NEK10: variants seen among roughly 807,000 people sequenced by gnomAD.
NEK10 encodes NIMA related kinase 10.
A neutral mutation model predicts 159.8 loss-of-function variants in NEK10; 122 were observed. That is an observed-to-expected ratio of 0.76 (90% confidence interval 0.66 to 0.89). The LOEUF is 0.89. Among genes scored for constraint, NEK10 ranks in the 40% least tolerant of loss-of-function variants. The probability of loss-of-function intolerance (pLI) is 0.00; values close to 1 mark genes in which losing one functional copy is unlikely to be tolerated. For synonymous variants in NEK10, 466 were observed against 457.1 expected (o/e 1.02, Z -0.25); for missense variants, 1,342 against 1,323.1 (o/e 1.01, Z -0.22).
At chr3:27,228,912 A>C (rs1000359674) in intron 23 of NEK10, among the ~76,000 whole-genome samples, 4 of 152,046 alleles carry the variant, frequency 2.6e-5, no homozygotes, top group African/African-American at 9.7e-5. Context: ...ACCTCAGCAC[A>C]TCTAATTGAG....
At position 27,187,845 on chromosome 3, in the gene NEK10, C is replaced by T. The variant is rs539784147; in HGVS notation, c.2505+4184G>A. ...TGGAGAAATTCAACGTTTTAGTCCACGTTACCCACAGGATTTAATTCAAAC... is the reference window on the plus strand; with the variant it reads ...TGGAGAAATTCAACGTTTTAGTCCATGTTACCCACAGGATTTAATTCAAAC... On this transcript the variant is annotated intron_variant, in intron 26 of 35. Coordinates refer to ENST00000691995, the MANE Select transcript of NEK10 (RefSeq NM_001394966.1). Among the ~76,000 whole-genome samples, 15 of 152,118 alleles carry T rather than the reference C, an allele frequency of 9.9e-5. No individual in the cohort carries two copies. The South Asian group carries it at 2.7e-3, about 27-fold the overall frequency.
chr3:27,213,494 AAT>A (rs1274582832), intron 23 of NEK10, among the ~76,000 whole-genome samples: 1 of 152,224 alleles, frequency 6.6e-6, no homozygotes, highest in Non-Finnish European at 1.5e-5. Flanking sequence ...GCAATTGTCC[AAT>A]ATATGACTCC....
chr3:27,127,050 A>G (rs1184705937), intron 32 of NEK10, among the ~76,000 whole-genome samples: 1 of 152,190 alleles, frequency 6.6e-6, no homozygotes, highest in Non-Finnish European at 1.5e-5. Context: ...TATTTTTATT[A>G]TAAAAAACTT....
At chr3:27,182,091 T>G (rs1289639143) in intron 26 of NEK10, among the ~76,000 whole-genome samples, 1 of 152,142 alleles carries the variant, frequency 6.6e-6, no homozygotes, top group Non-Finnish European at 1.5e-5. Context: ...ATACAGAGTT[T>G]CGGTGAGATG....
rs1173004864 is a variant in NEK10 at position 27,307,866 on chromosome 3, A to G, written c.796T>C (p.Ser266Pro). 5 of 1,503,688 alleles carry G rather than the reference A, an allele frequency of 3.3e-6. No individual in the cohort carries two copies. Among genetic ancestry groups the G allele is most frequent in the Non-Finnish European group, 9.3e-7 (1 of 1,080,470 alleles). 93.1% of individuals were successfully genotyped at this position (1,503,688 alleles called of 1,614,324 possible). A position where few individuals can be genotyped will look rare whatever the true frequency, so the allele number is the denominator to read the frequency against. ...TACTGTTAGCAATCCTACCTTTTAG[A>G]AAGCAAGTCATATTCATGTAAAATC... ...LMILHEYDLLSKRLTAELLRL... is the reference protein window; with the variant it reads ...LMILHEYDLLPKRLTAELLRL... Residue 266 changes from serine to proline, a missense_variant, in exon 11 of 36, where the codon TCT becomes CCT. Coordinates refer to ENST00000691995, the MANE Select transcript of NEK10 (RefSeq NM_001394966.1).
intron 23 of NEK10, among the ~76,000 whole-genome samples, chr3:27,206,012 G>T (rs1575241709): frequency 6.6e-6 from 1 of 152,048 alleles, no homozygotes; most frequent in African/African-American, 2.4e-5. Context: ...AAATTTACAA[G>T]AAAAAAAGAT....
chr3:27,356,740 G>A (rs960190149), intron 1 of NEK10, among the ~76,000 whole-genome samples: 7 of 152,062 alleles, frequency 4.6e-5, no homozygotes, highest in Admixed American at 1.3e-4. Flanking sequence ...GAGTATCTGT[G>A]ACATATTCAC....
At chr3:27,288,973 T>TACC (rs1429412340) in intron 19 of NEK10, among the ~76,000 whole-genome samples, 2 of 152,168 alleles carry the variant, frequency 1.3e-5, no homozygotes, top group African/African-American at 4.8e-5. Context: ...GGGGTGAGGC[T>TACC]ACCACTCAGT....
At chr3:27,235,700 T>C (rs772705039) in intron 23 of NEK10, among the ~76,000 whole-genome samples, 4 of 152,120 alleles carry the variant, frequency 2.6e-5, no homozygotes, top group Non-Finnish European at 5.9e-5. Context: ...GAAGACAGTG[T>C]GGCAATTCCT....
At chr3:27,175,204 C>A (rs1947388027) in intron 26 of NEK10, among the ~76,000 whole-genome samples, 1 of 152,106 alleles carries the variant, frequency 6.6e-6, no homozygotes, top group East Asian at 1.9e-4. Flanking sequence ...CTCTCAGTAC[C>A]ACAGCAAATA....
rs371226843 is a variant in NEK10, at chr3:27,301,771, G to A, written c.1093C>T (p.Arg365Ter). 1.4e-5 allele frequency: 22 copies of A among 1,561,554 alleles called. No individual in the cohort carries two copies. Among genetic ancestry groups the A allele is most frequent in the Admixed American group, 1.9e-5 (1 of 53,142 alleles). ...GSLSSANAAG[R>*]IQQLHLSEDL... ...TCTGATAAATGAAGCTGCTGGATTCGGCCTGCAGCATTTGCACTGGACAGG... is the reference window on the plus strand; with the variant it reads ...TCTGATAAATGAAGCTGCTGGATTCAGCCTGCAGCATTTGCACTGGACAGG... The change falls in exon 13 of 36, where the codon CGA becomes TGA. Residue 365 changes from arginine to a stop codon, truncating the protein, a stop_gained. Coordinates refer to ENST00000691995, the MANE Select transcript of NEK10 (RefSeq NM_001394966.1). LOFTEE classifies it high-confidence loss of function.
At chr3:27,344,772 T>C (rs1235261081) in intron 4 of NEK10, among the ~76,000 whole-genome samples, 1 of 152,194 alleles carries the variant, frequency 6.6e-6, no homozygotes, top group Non-Finnish European at 1.5e-5. Context: ...CCCTCTCCAC[T>C]TTTCCACATA....
intron 22 of NEK10, among the ~76,000 whole-genome samples, chr3:27,282,235 A>G (rs1182444221): frequency 6.6e-6 from 1 of 152,146 alleles, no homozygotes; most frequent in Non-Finnish European, 1.5e-5. Context: ...GTGGGAACAG[A>G]ACTAAAGTTT....
chr3:27,323,606 A>AG (rs2045807772), intron 5 of NEK10, among the ~76,000 whole-genome samples: 2 of 151,658 alleles, frequency 1.3e-5, no homozygotes, highest in South Asian at 2.1e-4. Context: ...AGAGGGGGGA[A>AG]AAAAAAACCT....
At chr3:27,139,627 C>T (rs185834559) in intron 31 of NEK10, among the ~76,000 whole-genome samples, 173 of 152,318 alleles carry the variant, frequency 1.1e-3, no homozygotes, top group African/African-American at 3.9e-3. Flanking sequence ...GTACTACAGA[C>T]TCCAGATTTC....
At chr3:27,277,216 G>A (rs1318149102) in intron 22 of NEK10, among the ~76,000 whole-genome samples, 1 of 150,536 alleles carries the variant, frequency 6.6e-6, no homozygotes, top group African/African-American at 2.4e-5. Flanking sequence ...ATCTGCTGGG[G>A]ATACTGGAAA....
rs1939312759 is a variant in NEK10, at chr3:27,109,502, C to T, written c.*1770G>A. Among the ~76,000 whole-genome samples the T allele has an allele frequency of 6.6e-6, 1 of 151,830 alleles. No homozygotes were observed. Among genetic ancestry groups the T allele is most frequent in the Non-Finnish European group, 1.5e-5 (1 of 67,946 alleles). On this transcript the variant is annotated 3_prime_UTR_variant, in exon 36 of 36. Transcript: ENST00000691995. ...CCATTTATCTTCCCTTACCACGGTACACCTTTTGAATACTATTCTTTCCTA... is the reference window on the plus strand; with the variant it reads ...CCATTTATCTTCCCTTACCACGGTATACCTTTTGAATACTATTCTTTCCTA...
At chr3:27,336,183 C>A (rs1214133794) in intron 5 of NEK10, among the ~76,000 whole-genome samples, 1 of 151,946 alleles carries the variant, frequency 6.6e-6, no homozygotes, top group Non-Finnish European at 1.5e-5. Flanking sequence ...ACTGACAACA[C>A]AAAAATACAA....
intron 23 of NEK10, chr3:27,252,786 G>T (rs2149307831): frequency 2.3e-6 from 1 of 435,736 alleles, no homozygotes; most frequent in South Asian, 1.6e-5. Context: ...GTCAGAGGGA[G>T]CCCAGATGAA....
Sources: gnomAD v4.1 joint callset for allele counts (sites outside exome capture counted in the v4.1 genomes callset) on GRCh38, gnomAD v4.1.1 for gene constraint, MANE v1.5 for transcripts, NCBI Gene and HGNC (gene_info 2026-07-23, HGNC 2026-07-21) for gene names.